Variants in SLC2A9 observed in about 807,000 individuals in gnomAD.
SLC2A9 encodes the protein solute carrier family 2 member 9.
SLC2A9 carries 39 observed loss-of-function variants against 50.6 expected under a neutral mutation model. The ratio of observed to expected loss-of-function variants is 0.77; its 90% CI spans 0.60 to 1.01. The LOEUF is 1.01. SLC2A9 is among the 50% of genes least tolerant of loss of function. SLC2A9 has a pLI of 0.00. For synonymous variants in SLC2A9, 324 were observed against 276.9 expected, an observed-to-expected ratio of 1.17 and a Z score of -1.69; for missense variants, 686 against 677.6, an observed-to-expected ratio of 1.01 and a Z score of -0.14.
intron 1 of SLC2A9, chr4:10,019,372 C>G (rs145038256): frequency 6.2e-5 from 30 of 486,198 alleles, no homozygotes; most frequent in African/African-American, 4.1e-4. Context: ...CAGCTCCACA[C>G]GATCCTTTCA....
chr4:9,915,025 A>G (rs543793930), intron 7 of SLC2A9, among the ~76,000 whole-genome samples: 16 of 152,300 alleles, frequency 1.1e-4, no homozygotes, highest in African/African-American at 1.9e-4. Context: ...CATTAGCCCA[A>G]TGAATGATAC....
chr4:9,885,206 A>AC (rs974438987), intron 10 of SLC2A9, among the ~76,000 whole-genome samples: 1 of 152,300 alleles, frequency 6.6e-6, no homozygotes, highest in South Asian at 2.1e-4. Flanking sequence ...CCCATGAAAA[A>AC]AAATATGGTT....
Position 9,826,601 on chromosome 4 carries a change from C to A in SLC2A9, c.1420-1G>T. 6.2e-7 allele frequency: 1 copy of A among 1,613,824 alleles called. No individual in the cohort carries two copies. The highest frequency in any genetic ancestry group is 8.5e-7 in the Non-Finnish European group (1 of 1,179,820). On this transcript the variant is annotated splice_acceptor_variant, in intron 11 of 11. Transcript: ENST00000264784. LOFTEE classifies it high-confidence loss of function. ...GGAAACAGTAGGTGTCCAGACTTTTCTGTGGAAAGGCAGAGACAAAAACCC... is the reference window on the plus strand; with the variant it reads ...GGAAACAGTAGGTGTCCAGACTTTTATGTGGAAAGGCAGAGACAAAAACCC...
intron 3 of SLC2A9, among the ~76,000 whole-genome samples, chr4:9,807,612 C>T (rs1309987847): frequency 6.6e-6 from 1 of 152,158 alleles, no homozygotes; most frequent in Non-Finnish European, 1.5e-5. Flanking sequence ...AACTGAATGG[C>T]ATTGCTGAGA....
At chr4:9,901,700 A>G (rs1032112816) in intron 8 of SLC2A9, among the ~76,000 whole-genome samples, 3 of 152,040 alleles carry the variant, frequency 2.0e-5, no homozygotes, top group Non-Finnish European at 4.4e-5. Flanking sequence ...TGGCCCCTCA[A>G]GCGGCAGCCA....
At chr4:9,867,853 C>T (rs1173521299) in intron 10 of SLC2A9, among the ~76,000 whole-genome samples, 2 of 152,218 alleles carry the variant, frequency 1.3e-5, no homozygotes, top group Non-Finnish European at 2.9e-5. Context: ...AACATTAAGC[C>T]TCTGCATGCT....
chr4:9,817,506 C>A (rs1723767318), intron 3 of SLC2A9, among the ~76,000 whole-genome samples: 1 of 152,180 alleles, frequency 6.6e-6, no homozygotes, highest in South Asian at 2.1e-4. Flanking sequence ...TCAACATATG[C>A]AATAATAGAA....
At chr4:9,780,617 G>T (rs1718215473) in intron 3 of SLC2A9, among the ~76,000 whole-genome samples, 1 of 152,188 alleles carries the variant, frequency 6.6e-6, no homozygotes, top group Non-Finnish European at 1.5e-5. Context: ...GGGCCAGCAG[G>T]TCGCAGCCGG....
intron 2 of SLC2A9, among the ~76,000 whole-genome samples, chr4:10,014,755 G>A (rs940782013): frequency 2.6e-5 from 4 of 152,158 alleles, no homozygotes; most frequent in African/African-American, 7.2e-5. Context: ...GGGGCACCTC[G>A]AGGACATGGA....
chr4:9,827,271 C>T (rs1427724566), intron 11 of SLC2A9, among the ~76,000 whole-genome samples: 4 of 152,192 alleles, frequency 2.6e-5, no homozygotes, highest in Admixed American at 1.3e-4. Context: ...ATAGGAGGTA[C>T]TCAGGACATA....
intron 10 of SLC2A9, among the ~76,000 whole-genome samples, chr4:9,860,467 A>G (rs1194503394): frequency 1.3e-5 from 2 of 152,230 alleles, no homozygotes; most frequent in African/African-American, 4.8e-5. Flanking sequence ...GAGTATTTAG[A>G]AATGAATTAA....
intron 10 of SLC2A9, among the ~76,000 whole-genome samples, chr4:9,858,166 T>A (rs1731024092): frequency 6.6e-6 from 1 of 152,172 alleles, no homozygotes; most frequent in Admixed American, 6.5e-5. Flanking sequence ...TTGATCTGCA[T>A]AGGGAAGCAC....
At chr4:9,919,171 G>A (rs574068476) in intron 7 of SLC2A9, among the ~76,000 whole-genome samples, 34 of 152,188 alleles carry the variant, frequency 2.2e-4, no homozygotes, top group African/African-American at 3.4e-4. Context: ...AACAAGCAGC[G>A]CCTCCTTCAG....
In SLC2A9 at chr4:9,980,853, C is replaced by T. The variant is rs1258180346; in HGVS notation, c.536-116G>A. ...CCTGGACATTAAATAGCACTGTAGC[C>T]ACGGCATTTTTCCCAGCACTTAGCA... On this transcript the variant is annotated intron_variant, in intron 4 of 11. Coordinates refer to ENST00000264784, the MANE Select transcript of SLC2A9 (RefSeq NM_020041.3). 2.9e-6 allele frequency: 4 copies of T among 1,371,870 alleles called. No homozygotes were observed. In the African/African-American group the frequency reaches 5.7e-5, roughly 20 times the overall value. The allele number at this position is 1,371,870 out of a possible 1,614,324, so 85.0% of individuals were successfully genotyped here.
chr4:9,970,463 C>T (rs953770355), intron 5 of SLC2A9, among the ~76,000 whole-genome samples: 13 of 151,974 alleles, frequency 8.6e-5, no homozygotes, highest in African/African-American at 2.9e-4. Flanking sequence ...GGCATCCCTG[C>T]TTTGGGGTGG....
At chr4:9,792,333 C>G (rs1466473865) in intron 3 of SLC2A9, among the ~76,000 whole-genome samples, 1 of 150,056 alleles carries the variant, frequency 6.7e-6, no homozygotes, top group Non-Finnish European at 1.5e-5. Flanking sequence ...TGCACCACCA[C>G]ACCTGGATAG....
chr4:9,783,007 C>T lies in SLC2A9; in HGVS notation n.386-2942G>A, dbSNP rs6283. 0.65 allele frequency: 1,051,677 copies of T among 1,613,976 alleles called. 343,664 individuals are homozygous for T. Among genetic ancestry groups the T allele is most frequent in the Middle Eastern group, 0.71 (4,297 of 6,062 alleles). On this transcript the variant is annotated intron_variant and non_coding_transcript_variant, in intron 3 of 3. Coordinates refer to the SLC2A9 transcript ENST00000503803. The stretch of plus-strand genomic sequence containing the variant: ...TGGTCCCTTTCTGCAGTGGACACCC[C>T]GAAGGCCCTCCGGCCGGCTTCCCCT...
chr4:9,963,051 G>C (rs1462476099), intron 5 of SLC2A9, among the ~76,000 whole-genome samples: 2 of 152,202 alleles, frequency 1.3e-5, no homozygotes, highest in African/African-American at 4.8e-5. Flanking sequence ...CATTAGGAAA[G>C]AGGTCTAACA....
downstream of SLC2A9, among the ~76,000 whole-genome samples, chr4:9,825,509 C>T (rs1446151808): frequency 7.2e-6 from 1 of 139,446 alleles, no homozygotes. Flanking sequence ...ACACTTGTGG[C>T]AGAGATCACC....
Sources: gnomAD v4.1 joint callset for allele counts (sites outside exome capture counted in the v4.1 genomes callset) on GRCh38, gnomAD v4.1.1 for gene constraint, MANE v1.5 for transcripts, NCBI Gene and HGNC (gene_info 2026-07-23, HGNC 2026-07-21) for gene names.